Variants in CPEB3 observed in about 807,000 individuals in gnomAD.
CPEB3 encodes cytoplasmic polyadenylation element binding protein 3, also known as cytoplasmic polyadenylation element-binding protein 3.
In CPEB3, 20 loss-of-function variants were observed where a neutral mutation model predicts 67.2. The ratio of observed to expected loss-of-function variants is 0.30; its 90% CI spans 0.21 to 0.43. CPEB3 has a LOEUF of 0.43. CPEB3 is among the 20% of genes least tolerant of loss of function. The pLI is 1.00. For missense variants in CPEB3, 746 were observed against 968.6 expected (o/e 0.77, Z 3.05); for synonymous variants, 376 against 393.1 (o/e 0.96, Z 0.51).
At chr10:92,160,415 C>T (rs1241624258) in intron 4 of CPEB3, among the ~76,000 whole-genome samples, 1 of 151,940 alleles carries the variant, frequency 6.6e-6, no homozygotes, top group Non-Finnish European at 1.5e-5. Flanking sequence ...TACCTTGATC[C>T]CTCCCCCAAA....
intron 3 of CPEB3, among the ~76,000 whole-genome samples, chr10:92,183,070 T>C (rs948534636): frequency 6.6e-5 from 10 of 152,112 alleles, no homozygotes; most frequent in African/African-American, 2.2e-4. Flanking sequence ...AAATGTTTCA[T>C]CTCTCTCTGG....
At chr10:92,068,582 T>C (rs1590067117) in intron 9 of CPEB3, among the ~76,000 whole-genome samples, 2 of 152,250 alleles carry the variant, frequency 1.3e-5, no homozygotes, top group Admixed American at 1.3e-4. Flanking sequence ...GCAATGGACT[T>C]TTTTCCAATT....
intron 4 of CPEB3, among the ~76,000 whole-genome samples, chr10:92,160,306 G>A (rs1210432289): frequency 1.3e-5 from 2 of 152,120 alleles, no homozygotes; most frequent in Non-Finnish European, 2.9e-5. Context: ...GAAAGGGGAT[G>A]CATTCCAAAA....
At chr10:92,260,082 C>T (rs950524836) in intron 1 of CPEB3, among the ~76,000 whole-genome samples, 1 of 152,188 alleles carries the variant, frequency 6.6e-6, no homozygotes, top group African/African-American at 2.4e-5. Flanking sequence ...CAGGAGATAG[C>T]TTGGACTTCA....
intron 9 of CPEB3, 35 bp downstream of exon 9, chr10:92,081,285 C>G: frequency 6.2e-7 from 1 of 1,612,006 alleles, no homozygotes; most frequent in Non-Finnish European, 8.5e-7. Context: ...CTTCTTTTCT[C>G]TCCCATAGCA....
intron 3 of CPEB3, among the ~76,000 whole-genome samples, chr10:92,186,892 C>G (rs1361314043): frequency 5.9e-5 from 9 of 152,028 alleles, no homozygotes; most frequent in Non-Finnish European, 1.2e-4. Flanking sequence ...AGAACCTGCC[C>G]CCTAACAGTT....
chr10:92,161,883 G>A (rs943130064), intron 4 of CPEB3, among the ~76,000 whole-genome samples: 7 of 151,930 alleles, frequency 4.6e-5, no homozygotes, highest in South Asian at 2.1e-4. Flanking sequence ...GGCTGGTCTC[G>A]AACTCCTGAC....
intron 2 of CPEB3, chr10:92,216,497 A>G: frequency 6.2e-7 from 1 of 1,613,072 alleles, no homozygotes. Flanking sequence ...GAAAGCGGTG[A>G]AGCAGAAGCA....
intron 3 of CPEB3, among the ~76,000 whole-genome samples, chr10:92,185,200 G>T (rs979870990): frequency 3.3e-5 from 5 of 152,160 alleles, no homozygotes; most frequent in Admixed American, 6.5e-5. Context: ...TCCATGGTCT[G>T]CTATTTTTAA....
intron 6 of CPEB3, among the ~76,000 whole-genome samples, chr10:92,129,015 G>A (rs1188183493): frequency 2.0e-5 from 3 of 152,106 alleles, no homozygotes; most frequent in Non-Finnish European, 2.9e-5. Flanking sequence ...AACATAAATC[G>A]TTCTATCATA....
chr10:92,226,632 T>C (rs1208077512), intron 2 of CPEB3, among the ~76,000 whole-genome samples: 1 of 152,194 alleles, frequency 6.6e-6, no homozygotes, highest in African/African-American at 2.4e-5. Context: ...TACATTCTAC[T>C]GTGGAAGAAC....
intron 4 of CPEB3, among the ~76,000 whole-genome samples, chr10:92,177,787 G>T (rs1848289186): frequency 6.6e-6 from 1 of 152,102 alleles, no homozygotes; most frequent in Non-Finnish European, 1.5e-5. Flanking sequence ...GTACTGAGAA[G>T]AATGTATATT....
At chr10:92,073,038 C>CTTTTTTTTTTTTTTTT in intron 9 of CPEB3, among the ~76,000 whole-genome samples, 1 of 61,234 alleles carries the variant, frequency 1.6e-5, no homozygotes, top group Non-Finnish European at 2.9e-5. Context: ...GAATCTCTGT[C>CTTTTTTTTTTTTTTTT]TTTTTTTTTT....
At chr10:92,224,961 C>G (rs572379706) in intron 2 of CPEB3, among the ~76,000 whole-genome samples, 1 of 147,824 alleles carries the variant, frequency 6.8e-6, no homozygotes, top group Non-Finnish European at 1.5e-5. Flanking sequence ...ATGAACCCTA[C>G]CCCATTTTCT....
intron 6 of CPEB3, among the ~76,000 whole-genome samples, chr10:92,116,003 T>C (rs1487556890): frequency 6.6e-6 from 1 of 151,590 alleles, no homozygotes; most frequent in African/African-American, 2.4e-5. Flanking sequence ...ATCAGTTTTC[T>C]TGTATCTGAG....
chr10:92,283,871 T>C (rs1422494296), intron 1 of CPEB3, among the ~76,000 whole-genome samples: 1 of 132,654 alleles, frequency 7.5e-6, no homozygotes. Flanking sequence ...GGATTACAGG[T>C]CCTCGCCACC....
chr10:92,139,499 C>G (rs1028207928), intron 6 of CPEB3, among the ~76,000 whole-genome samples: 6 of 108,206 alleles, frequency 5.5e-5, no homozygotes, highest in African/African-American at 2.2e-4. Context: ...CTCATGATGA[C>G]AGAAAATAGA....
At chr10:92,109,263 T>A (rs1227471586) in intron 7 of CPEB3, among the ~76,000 whole-genome samples, 1 of 151,944 alleles carries the variant, frequency 6.6e-6, no homozygotes, top group African/African-American at 2.4e-5. Context: ...CAGATTTTTT[T>A]TTTTTTTTTG....
At chr10:92,266,546 C>T (rs1853065559) in intron 1 of CPEB3, among the ~76,000 whole-genome samples, 1 of 152,076 alleles carries the variant, frequency 6.6e-6, no homozygotes, top group African/African-American at 2.4e-5. Context: ...ATTCCTCTTT[C>T]CGTCTACATG....
Sources: gnomAD v4.1 joint callset for allele counts (sites outside exome capture counted in the v4.1 genomes callset) on GRCh38, gnomAD v4.1.1 for gene constraint, MANE v1.5 for transcripts, NCBI Gene and HGNC (gene_info 2026-07-23, HGNC 2026-07-21) for gene names.